CCSER2: variants seen among roughly 807,000 people sequenced by gnomAD.
CCSER2 encodes serine-rich coiled-coil domain-containing protein 2.
A neutral mutation model predicts 92.3 loss-of-function variants in CCSER2; 46 were observed. The ratio of observed to expected loss-of-function variants is 0.50; its 90% CI spans 0.39 to 0.64. CCSER2 has a LOEUF of 0.64. Ranked by LOEUF, CCSER2 falls within the 30% of genes least tolerant of loss-of-function variation. The pLI is 0.00. For missense variants in CCSER2, 1,244 were observed against 1,238.9 expected (o/e 1.00, Z -0.06); for synonymous variants, 433 against 431.4 (o/e 1.00, Z -0.04).
chr10:84,377,237 A>T (rs1020668648), intron 3 of CCSER2, among the ~76,000 whole-genome samples: 1 of 152,122 alleles, frequency 6.6e-6, no homozygotes, highest in Non-Finnish European at 1.5e-5. Flanking sequence ...ACCACTTTTT[A>T]AAAAACTGTT....
intron 1 of CCSER2, among the ~76,000 whole-genome samples, chr10:84,346,752 CTTTT>C (rs202106905): frequency 2.3e-4 from 29 of 127,686 alleles, no homozygotes; most frequent in African/African-American, 7.8e-4. Flanking sequence ...ATCCTCATTT[CTTTT>C]TTTTTATATA....
chr10:84,391,864 G>T, intron 3 of CCSER2: 4 of 1,468,336 alleles, frequency 2.7e-6, no homozygotes, highest in African/African-American at 1.4e-5. Context: ...TGTAATCCAA[G>T]ATTTTATATT....
intron 9 of CCSER2, among the ~76,000 whole-genome samples, chr10:84,491,276 G>A (rs1437429494): frequency 1.3e-5 from 2 of 152,198 alleles, no homozygotes; most frequent in African/African-American, 4.8e-5. Context: ...CTATCAGACA[G>A]GGACATTTAA....
chr10:84,364,686 G>A (rs1294595688), intron 1 of CCSER2, among the ~76,000 whole-genome samples: 2 of 151,758 alleles, frequency 1.3e-5, no homozygotes, highest in East Asian at 1.9e-4. Flanking sequence ...TTTTAAAAGC[G>A]AGAAGCTTGA....
intron 1 of CCSER2, among the ~76,000 whole-genome samples, chr10:84,353,587 C>A (rs527922448): frequency 6.6e-6 from 1 of 152,286 alleles, no homozygotes; most frequent in Non-Finnish European, 1.5e-5. Flanking sequence ...GTGTGATTTC[C>A]ACACCCTTCA....
chr10:84,463,853 G>T, intron 6 of CCSER2, 80 bp from the exon 7 acceptor site: 1 of 921,640 alleles, frequency 1.1e-6, no homozygotes, highest in Non-Finnish European at 1.7e-6. Context: ...GCTAGCATTT[G>T]GTCTGGGTAA....
chr10:84,388,918 G>C (rs367857738), intron 3 of CCSER2, among the ~76,000 whole-genome samples: 12 of 152,280 alleles, frequency 7.9e-5, no homozygotes, highest in Middle Eastern at 3.4e-3. Flanking sequence ...TTCTTAACCA[G>C]CCATAGACTG....
chr10:84,406,162 C>T (rs1373242117), intron 3 of CCSER2, among the ~76,000 whole-genome samples: 1 of 152,182 alleles, frequency 6.6e-6, no homozygotes, highest in African/African-American at 2.4e-5. Context: ...TGAAGTCATT[C>T]TCAAAATGTT....
intron 6 of CCSER2, among the ~76,000 whole-genome samples, chr10:84,457,284 TATTATATA>T (rs1172704851): frequency 1.3e-5 from 1 of 76,198 alleles, no homozygotes; most frequent in East Asian, 3.1e-4. Flanking sequence ...ATATATTATA[TATTATATA>T]TTATATATAA....
At chr10:84,491,868 G>C (rs896854684) in intron 9 of CCSER2, among the ~76,000 whole-genome samples, 2 of 152,042 alleles carry the variant, frequency 1.3e-5, no homozygotes, top group African/African-American at 4.8e-5. Flanking sequence ...GTTCCTATTC[G>C]GCCATCTTCT....
intron 6 of CCSER2, among the ~76,000 whole-genome samples, chr10:84,456,539 G>C (rs1234632238): frequency 6.6e-6 from 1 of 152,126 alleles, no homozygotes; most frequent in African/African-American, 2.4e-5. Context: ...TAAAACTGCT[G>C]TGAACATTTG....
intron 6 of CCSER2, chr10:84,455,223 TA>T: frequency 5.5e-6 from 1 of 183,170 alleles, no homozygotes; most frequent in Non-Finnish European, 1.2e-5. Flanking sequence ...CTGAGCCAGG[TA>T]ATCCCTCCCA....
Position 84,515,891 on chromosome 10 carries a change from G to T in CCSER2, c.*1624G>T, listed in dbSNP as rs1341814106. Reference sequence around the variant, plus strand: ...GTGCACAAACCTAATTATGCTTTGGGTCACTTGTCAGTTCAGTAAATCTGC... The same window carrying T: ...GTGCACAAACCTAATTATGCTTTGGTTCACTTGTCAGTTCAGTAAATCTGC... On this transcript the variant is annotated 3_prime_UTR_variant, in exon 10 of 10. Transcript: ENST00000372088. 1.3e-5 allele frequency: 2 copies of T among 152,138 alleles called. No individual in the cohort carries two copies. The highest frequency in any genetic ancestry group is 1.3e-4 in the Admixed American group (2 of 15,282). 9.4% of individuals were successfully genotyped at this position (152,138 alleles called of 1,614,324 possible).
intron 3 of CCSER2, among the ~76,000 whole-genome samples, chr10:84,411,100 T>C (rs1842626487): frequency 6.6e-6 from 1 of 152,184 alleles, no homozygotes; most frequent in Non-Finnish European, 1.5e-5. Flanking sequence ...TTCTGAGTTC[T>C]CTATTCTGCT....
At chr10:84,434,102 A>C (rs577999913) in intron 5 of CCSER2, among the ~76,000 whole-genome samples, 2 of 152,304 alleles carry the variant, frequency 1.3e-5, no homozygotes, top group East Asian at 3.9e-4. Context: ...AAATGTATCA[A>C]CTTAATGTGG....
At chr10:84,363,075 G>C (rs1303197394) in intron 1 of CCSER2, among the ~76,000 whole-genome samples, 1 of 148,980 alleles carries the variant, frequency 6.7e-6, no homozygotes, top group East Asian at 2.0e-4. Context: ...TCAAACTCCT[G>C]ACCTCAGGTG....
chr10:84,440,921 A>G (rs1020215284), intron 6 of CCSER2, among the ~76,000 whole-genome samples: 1 of 152,168 alleles, frequency 6.6e-6, no homozygotes, highest in African/African-American at 2.4e-5. Context: ...GATCCATTGT[A>G]CATTGTGTTT....
In CCSER2 at chr10:84,371,738, A is replaced by C; in HGVS notation, c.686A>C (p.Gln229Pro). ...TCACAAAGTTTTTCACATTCCATTC[A>C]GAATTCATTCCTTCCACCTTCATCT... ...VRSQSFSHSI[Q>P]NSFLPPSSIT... is the part of the protein sequence containing the mutation. Residue 229 changes from glutamine (Q) to proline (P), a missense_variant, in exon 2 of 10, where the codon CAG becomes CCG. Gln to Pro is a moderately conservative substitution (Grantham distance 76). Coordinates refer to ENST00000372088, the MANE Select transcript of CCSER2 (RefSeq NM_001284240.2). 6.2e-7 allele frequency: 1 copy of C among 1,613,600 alleles called. No homozygotes were observed. The highest frequency in any genetic ancestry group is 8.5e-7 in the Non-Finnish European group (1 of 1,179,740).
At chr10:84,506,055 T>G (rs2131859885) in intron 9 of CCSER2, among the ~76,000 whole-genome samples, 1 of 151,922 alleles carries the variant, frequency 6.6e-6, no homozygotes, top group South Asian at 2.1e-4. Context: ...GTCTTTGAGA[T>G]ATAGACCCAC....
Sources: gnomAD v4.1 joint callset for allele counts (sites outside exome capture counted in the v4.1 genomes callset) on GRCh38, gnomAD v4.1.1 for gene constraint, MANE v1.5 for transcripts, NCBI Gene and HGNC (gene_info 2026-07-23, HGNC 2026-07-21) for gene names.